The following FGB variants were observed in gnomAD, a reference collection of about 807,000 sequenced individuals.
FGB encodes fibrinogen beta chain.
A neutral mutation model predicts 57.9 loss-of-function variants in FGB; 25 were observed. That is an observed-to-expected ratio of 0.43 (90% CI 0.31 to 0.60). FGB has a LOEUF of 0.60. Ranked by LOEUF, FGB falls within the 20% of genes least tolerant of loss-of-function variation. The pLI, the probability that FGB is intolerant of heterozygous loss-of-function variation, is 0.08. For synonymous variants in FGB, 203 were observed against 199.2 expected (o/e 1.02, Z -0.16); for missense variants, 536 against 598.4 (o/e 0.90, Z 1.09).
intron 1 of FGB, 29 bp downstream of exon 1, chr4:154,563,161 T>TTAG: frequency 1.1e-6 from 1 of 879,422 alleles, no homozygotes; most frequent in Non-Finnish European, 1.8e-6. Context: ...TATTATATTA[T>TTAG]TAGTAGTATT....
At chr4:154,568,329 CAAAG>C in intron 4 of FGB, 48 bp from the exon 5 acceptor site, 2 of 947,080 alleles carry the variant, frequency 2.1e-6, no homozygotes, top group Non-Finnish European at 3.5e-6. Flanking sequence ...TGACTAAATA[CAAAG>C]TAATTATGTC....
At position 154,570,907 on chromosome 4, in the gene FGB, G is replaced by C. The variant is rs1398706550; in HGVS notation, c.*257G>C. ...GGTGTTCATAATTTCAGTTCTAGTT[G>C]ATTGCGAGAATTTTCAAATAAGGAA... is the stretch of plus-strand genomic sequence containing the variant. On this transcript the variant is annotated 3_prime_UTR_variant, in exon 8 of 8. Coordinates refer to ENST00000302068, the MANE Select transcript of FGB (RefSeq NM_005141.5). 6.0e-6 allele frequency: 3 copies of C among 497,614 alleles called. No individual in the cohort carries two copies. The East Asian group carries it at 1.1e-4, about 19-fold the overall frequency. The allele number at this position is 497,614 out of a possible 1,614,324, so 30.8% of individuals were successfully genotyped here. A position where few individuals can be genotyped will look rare whatever the true frequency, so the allele number is the denominator to read the frequency against.
At chr4:154,569,334 T>A in intron 6 of FGB, 27 bp downstream of exon 6, 1 of 1,613,784 alleles carries the variant, frequency 6.2e-7, no homozygotes. Context: ...CAAAATAAAA[T>A]CATTCTATTT....
In FGB at chr4:154,569,814, C is replaced by T. The variant is rs770751352; in HGVS notation, c.1244+15C>T. 1 of 1,613,872 alleles carries T rather than the reference C, an allele frequency of 6.2e-7. No homozygotes were observed. Among genetic ancestry groups the T allele is most frequent in the South Asian group, 1.1e-5 (1 of 91,068 alleles). On this transcript the variant is annotated intron_variant, in intron 7 of 7. Transcript: ENST00000302068. ...AATGACGGCTGGTATGTGTGGCACT[C>T]TTTGCTCCTGCTTTAAAAATCACAC...
chr4:154,564,011 G>A (rs748964022), intron 1 of FGB, among the ~76,000 whole-genome samples: 1 of 151,914 alleles, frequency 6.6e-6, no homozygotes, highest in Non-Finnish European at 1.5e-5. Context: ...GACTCTACAT[G>A]TAAGAACATA....
At position 154,572,793 on chromosome 4, in the gene FGB, C is replaced by A. The variant is rs561381360; in HGVS notation, c.*2143C>A. Among the ~76,000 whole-genome samples the A allele has an allele frequency of 4.6e-5, 7 of 152,196 alleles. No homozygotes were observed. Among genetic ancestry groups the A allele is most frequent in the African/African-American group, 1.7e-4 (7 of 41,524 alleles). On this transcript the variant is annotated 3_prime_UTR_variant, in exon 8 of 8. Coordinates refer to ENST00000302068, the MANE Select transcript of FGB (RefSeq NM_005141.5). The stretch of plus-strand genomic sequence containing the variant: ...GGCACAGTCAAGATATTAAATATAT[C>A]CATCACCTCCAAAAGTTTCCTTGTG...
rs753513033 is a variant in FGB at position 154,569,272 on chromosome 4, C to A, written c.923C>A (p.Thr308Asn). Residue 308 changes from threonine to asparagine, a missense_variant, in exon 6 of 8, where the codon ACC becomes AAC. Thr to Asn is a moderately conservative substitution (Grantham distance 65). Transcript: ENST00000302068. ...PYKQGFGNVA[T>N]NTDGKNYCGL... ...AAACAGGGATTTGGAAATGTTGCAA[C>A]CAACACAGATGGGAAGAATTACTGT... The A allele has an allele frequency of 6.2e-7, 1 of 1,613,988 alleles. No individual in the cohort carries two copies. Among genetic ancestry groups the A allele is most frequent in the Non-Finnish European group, 8.5e-7 (1 of 1,179,962 alleles).
intron 6 of FGB, 39 bp downstream of exon 6, chr4:154,569,346 A>C (rs1730313148): frequency 6.2e-7 from 1 of 1,613,080 alleles, no homozygotes; most frequent in African/African-American, 1.3e-5. Context: ...ATTCTATTTG[A>C]AATGGGATTT....
At chr4:154,570,004 C>T (rs552968411) in intron 7 of FGB, among the ~76,000 whole-genome samples, 5 of 152,296 alleles carry the variant, frequency 3.3e-5, no homozygotes, top group East Asian at 3.9e-4. Context: ...AGAGAGATTA[C>T]GTGATTTGTC....
At position 154,567,604 on chromosome 4, in the gene FGB, G is replaced by A; in HGVS notation, c.502G>A (p.Val168Ile). ...RQKQVKDNENVVNEYSSELEK... is the reference protein window; with the variant it reads ...RQKQVKDNENIVNEYSSELEK... The stretch of plus-strand genomic sequence containing the variant: ...TTTCATTTTTCCAGATAATGAAAAT[G>A]TAGTCAATGAGTACTCCTCAGAACT... The change falls in exon 4 of 8, where the codon GTA becomes ATA. Residue 168 changes from valine (V) to isoleucine (I), a missense_variant. Around this residue, in one of 3 missense-constraint regions of FGB, gnomAD observed 354 missense variants for 383.4 expected, o/e 0.92. Coordinates refer to ENST00000302068, the MANE Select transcript of FGB (RefSeq NM_005141.5). The A allele has an allele frequency of 1.3e-6, 2 of 1,592,258 alleles. No homozygotes were observed. The highest frequency in any genetic ancestry group is 1.1e-5 in the South Asian group (1 of 90,556).
Position 154,572,257 on chromosome 4 carries a change from G to C in FGB, c.*1607G>C, listed in dbSNP as rs549354357. Among the ~76,000 whole-genome samples, 1 of 152,138 alleles carries C rather than the reference G, an allele frequency of 6.6e-6. No homozygotes were observed. Among genetic ancestry groups the C allele is most frequent in the Admixed American group, 6.5e-5 (1 of 15,270 alleles). ...TCAACAGCTTTATTGAGATATAATTGATATAATTTAAAAAATCCTGCACAT... is the reference window on the plus strand; with the variant it reads ...TCAACAGCTTTATTGAGATATAATTCATATAATTTAAAAAATCCTGCACAT... On this transcript the variant is annotated 3_prime_UTR_variant, in exon 8 of 8. Coordinates refer to ENST00000302068, the MANE Select transcript of FGB (RefSeq NM_005141.5).
Position 154,567,777 on chromosome 4 carries a change from C to A in FGB, c.675C>A (p.Thr225=). ...CAGCTCAAATGGAATATTGTCGCAC[C>A]CCATGCACTGTCAGTTGCAATATTC... The part of the protein sequence containing the change: ...DVSAQMEYCR[T]PCTVSCNIPV... The change falls in exon 4 of 8, where the codon ACC becomes ACA. Residue 225 remains threonine (T), a synonymous_variant. Transcript: ENST00000302068. 1 of 1,613,946 alleles carries A rather than the reference C, an allele frequency of 6.2e-7. No homozygotes were observed. Among genetic ancestry groups the A allele is most frequent in the Non-Finnish European group, 8.5e-7 (1 of 1,179,946 alleles).
chr4:154,570,526 A>T lies in FGB; in HGVS notation c.1352A>T (p.Gln451Leu), dbSNP rs1578786214. Residue 451 changes from glutamine to leucine, a missense_variant, in exon 8 of 8, where the codon CAG (glutamine) becomes CTG (leucine). Transcript: ENST00000302068. ...NPNGRYYWGG[Q>L]YTWDMAKHGT... ...AACGGCAGATACTACTGGGGTGGAC[A>T]GTACACCTGGGACATGGCAAAGCAT... The T allele has an allele frequency of 5.6e-6, 9 of 1,614,168 alleles. No individual in the cohort carries two copies. Among genetic ancestry groups the T allele is most frequent in the Non-Finnish European group, 7.6e-6 (9 of 1,179,998 alleles).
In FGB at chr4:154,567,674, T is replaced by A; in HGVS notation, c.572T>A (p.Ile191Asn). 6.2e-7 allele frequency: 1 copy of A among 1,613,776 alleles called. No individual in the cohort carries two copies. Among genetic ancestry groups the A allele is most frequent in the Non-Finnish European group, 8.5e-7 (1 of 1,179,686 alleles). Residue 191 changes from isoleucine to asparagine, a missense_variant, in exon 4 of 8, where the codon ATC becomes AAC. Physicochemically the swap from Ile to Asn is moderately radical, Grantham distance 149. Around this residue, in one of 3 missense-constraint regions of FGB, gnomAD observed 354 missense variants for 383.4 expected, o/e 0.92. Coordinates refer to ENST00000302068, the MANE Select transcript of FGB (RefSeq NM_005141.5). ...LYIDETVNSN[I>N]PTNLRVLRSI... ...ATAGATGAGACTGTGAATAGCAATA[T>A]CCCAACTAACCTTCGTGTGCTTCGT... is the stretch of plus-strand genomic sequence containing the variant.
At chr4:154,567,542 G>A in intron 3 of FGB, 51 bp from the exon 4 acceptor site, 1 of 1,170,690 alleles carries the variant, frequency 8.5e-7, no homozygotes, top group Non-Finnish European at 1.3e-6. Flanking sequence ...AAATACATTA[G>A]TTTTATGAGG....
chr4:154,572,541 C>T lies in FGB; in HGVS notation c.*1891C>T, dbSNP rs527823691. On this transcript the variant is annotated 3_prime_UTR_variant, in exon 8 of 8. Coordinates refer to ENST00000302068, the MANE Select transcript of FGB (RefSeq NM_005141.5). ...GTTCCTTGCACATCCTGAGTTCCAA[C>T]GGACAGGCAGGGAGTTCAAGTGTCC... Among the ~76,000 whole-genome samples the T allele has an allele frequency of 3.3e-5, 5 of 152,316 alleles. No individual in the cohort carries two copies. Among genetic ancestry groups the T allele is most frequent in the Non-Finnish European group, 5.9e-5 (4 of 68,016 alleles).
chr4:154,565,781 A>G (rs1578781969), intron 1 of FGB, 27 bp from the exon 2 acceptor site: 1 of 1,593,000 alleles, frequency 6.3e-7, no homozygotes, highest in Non-Finnish European at 8.6e-7. Context: ...AACACTCTGT[A>G]TTATATTTCT....
At chr4:154,567,966 G>A (rs1184563575) in intron 4 of FGB, 146 bp downstream of exon 4, 3 of 743,540 alleles carry the variant, frequency 4.0e-6, no homozygotes, top group Middle Eastern at 2.6e-4. Context: ...AATATCCTTA[G>A]CCAGTTGTGT....
Position 154,572,634 on chromosome 4 carries a change from C to T in FGB, c.*1984C>T, listed in dbSNP as rs1730474071. Among the ~76,000 whole-genome samples, 1 of 152,140 alleles carries T rather than the reference C, an allele frequency of 6.6e-6. No homozygotes were observed. Among genetic ancestry groups the T allele is most frequent in the African/African-American group, 2.4e-5 (1 of 41,408 alleles). Reference sequence around the variant, plus strand: ...GATTCCTTAGCTTAGACTCTGAACACATATTCTTCTTAGACCATACAGTCA... The same window carrying T: ...GATTCCTTAGCTTAGACTCTGAACATATATTCTTCTTAGACCATACAGTCA... On this transcript the variant is annotated 3_prime_UTR_variant, in exon 8 of 8. Transcript: ENST00000302068.
Sources: allele counts gnomAD v4.1 joint callset (sites outside exome capture counted in the v4.1 genomes callset), GRCh38; gene constraint gnomAD v4.1.1; regional missense constraint gnomAD v4.1.1; transcripts MANE v1.5; gene names NCBI Gene and HGNC (gene_info 2026-07-23, HGNC 2026-07-21).